Variants in FGGY observed in about 807,000 individuals in gnomAD.
The protein encoded by FGGY is FGGY carbohydrate kinase domain containing, also known as FGGY carbohydrate kinase domain-containing protein.
In FGGY, 72 loss-of-function variants were observed where a neutral mutation model predicts 71.3. The observed-to-expected ratio is 1.01, with a 90% CI of 0.84 to 1.23. The LOEUF is 1.23. FGGY is among the 50% of genes most tolerant of loss of function. FGGY has a pLI of 0.00. For synonymous variants in FGGY, 251 were observed against 250.3 expected, an observed-to-expected ratio of 1.00 and a Z score of -0.02; for missense variants, 668 against 682.3, an observed-to-expected ratio of 0.98 and a Z score of 0.23.
At chr1:59,536,489 A>G (rs2153676257) in intron 7 of FGGY, among the ~76,000 whole-genome samples, 1 of 152,368 alleles carries the variant, frequency 6.6e-6, no homozygotes, top group Admixed American at 6.5e-5. Flanking sequence ...TGAGGCCAGC[A>G]TCATCCTGAT....
rs1261939039 is a variant in FGGY, at chr1:59,716,327, T to TATCAA, written c.1513-41604_1513-41603insATCAA. On this transcript the variant is annotated intron_variant, in intron 14 of 15. Coordinates refer to ENST00000303721, the MANE Select transcript of FGGY (RefSeq NM_018291.5). ...CAGTTTCCTATCAATTCCAGTTACC[T>TATCAA]TTTGCTTTTCTTCTGCAAGATAATT... Among the ~76,000 whole-genome samples, 3 of 152,214 alleles carry TATCAA rather than the reference T, an allele frequency of 2.0e-5. No homozygotes were observed. In the East Asian group the frequency reaches 5.8e-4, roughly 29 times the overall value.
rs187706865 is a variant in FGGY at position 59,589,327 on chromosome 1, C to G, written c.904-18476C>G. ...CTACAAAGAGACTTAGACTCCCACA[C>G]AATAATAATGGGAGACTTTAACACC... is the stretch of plus-strand genomic sequence containing the variant. On this transcript the variant is annotated intron_variant, in intron 8 of 15. Transcript: ENST00000303721. Among the ~76,000 whole-genome samples, 684 of 152,204 alleles carry G rather than the reference C, an allele frequency of 4.5e-3. 5 individuals are homozygous for G. The highest frequency in any genetic ancestry group is 7.3e-3 in the Non-Finnish European group (496 of 68,004).
intron 7 of FGGY, among the ~76,000 whole-genome samples, chr1:59,531,247 G>A (rs1462252311): frequency 2.6e-5 from 4 of 152,166 alleles, no homozygotes; most frequent in Non-Finnish European, 5.9e-5. Flanking sequence ...TAGGTGTGAA[G>A]ATCAAGATTC....
At chr1:59,725,637 G>GTT in intron 14 of FGGY, among the ~76,000 whole-genome samples, 1 of 137,024 alleles carries the variant, frequency 7.3e-6, no homozygotes, top group Admixed American at 7.1e-5. Context: ...TTTGTTTTTT[G>GTT]TTTTTTTTGC....
intron 8 of FGGY, among the ~76,000 whole-genome samples, chr1:59,591,496 A>G (rs1327680093): frequency 6.7e-6 from 1 of 148,786 alleles, no homozygotes; most frequent in Non-Finnish European, 1.5e-5. Context: ...ATCCTAAGCC[A>G]AAAGAACAAA....
chr1:59,680,076 T>C (rs2097481220), intron 14 of FGGY, among the ~76,000 whole-genome samples: 1 of 152,206 alleles, frequency 6.6e-6, no homozygotes, highest in East Asian at 1.9e-4. Flanking sequence ...TTACATTTCT[T>C]GTATATAAGG....
At chr1:59,699,351 T>G in intron 14 of FGGY, 1 of 985,362 alleles carries the variant, frequency 1.0e-6, no homozygotes, top group Non-Finnish European at 1.2e-6. Flanking sequence ...GCCTTTTGCA[T>G]AGTTATTGAA....
At chr1:59,617,487 C>T (rs2096767933) in intron 9 of FGGY, among the ~76,000 whole-genome samples, 1 of 152,084 alleles carries the variant, frequency 6.6e-6, no homozygotes, top group Non-Finnish European at 1.5e-5. Flanking sequence ...TTTACTTCTT[C>T]TTAGAAAACA....
At chr1:59,484,379 T>C (rs1229357184) in intron 6 of FGGY, among the ~76,000 whole-genome samples, 1 of 152,182 alleles carries the variant, frequency 6.6e-6, no homozygotes, top group Non-Finnish European at 1.5e-5. Context: ...TTTTCTATTA[T>C]GGTCCACCTA....
chr1:59,515,165 G>A (rs1360778404), intron 7 of FGGY, among the ~76,000 whole-genome samples: 1 of 152,136 alleles, frequency 6.6e-6, no homozygotes, highest in African/African-American at 2.4e-5. Context: ...TCTTGCATCA[G>A]TGTGACTTGG....
At chr1:59,351,777 C>T (rs2053353029) in intron 4 of FGGY, among the ~76,000 whole-genome samples, 1 of 152,144 alleles carries the variant, frequency 6.6e-6, no homozygotes, top group Non-Finnish European at 1.5e-5. Flanking sequence ...CACTGATTGG[C>T]TGTGAGGAGT....
At chr1:59,529,764 T>C (rs1202682723) in intron 7 of FGGY, among the ~76,000 whole-genome samples, 1 of 152,236 alleles carries the variant, frequency 6.6e-6, no homozygotes, top group African/African-American at 2.4e-5. Context: ...TGGCTTTATA[T>C]ACTTTTATAC....
intron 5 of FGGY, among the ~76,000 whole-genome samples, chr1:59,408,014 C>T (rs978754862): frequency 1.3e-5 from 2 of 152,152 alleles, no homozygotes; most frequent in Non-Finnish European, 2.9e-5. Flanking sequence ...CCCAGGAATA[C>T]GGAATATTTC....
chr1:59,733,378 C>CTGTATTGA (rs1406877444), intron 14 of FGGY: 1 of 153,472 alleles, frequency 6.5e-6, no homozygotes, highest in Non-Finnish European at 1.5e-5. Context: ...GCCTCAGGCT[C>CTGTATTGA]TGTATTGATT....
rs182300571 is a variant in FGGY, at chr1:59,393,884, G to A, written c.554+15047G>A. On this transcript the variant is annotated intron_variant, in intron 5 of 15. Transcript: ENST00000303721. ...CCTCCCAGGCTCAGGACACAATGTC[G>A]TCTATTCTGTCAGAAGTGGGAAGAA... is the stretch of plus-strand genomic sequence containing the variant. 8.5e-5 allele frequency among the ~76,000 whole-genome samples: 13 copies of A among 152,204 alleles called. No individual in the cohort carries two copies. The East Asian group carries it at 1.9e-3, about 23-fold the overall frequency.
rs149984147 is a variant in FGGY at position 59,692,368 on chromosome 1, C to T, written c.1512+18235C>T. On this transcript the variant is annotated intron_variant, in intron 14 of 15. Coordinates refer to ENST00000303721, the MANE Select transcript of FGGY (RefSeq NM_018291.5). ...ATAAAATTCTCAAAATTACTCTGCC[C>T]GTTAGGCTTTCTTATCACTTATTCC... 2.0e-3 allele frequency among the ~76,000 whole-genome samples: 309 copies of T among 152,200 alleles called. 2 individuals carry two copies. The highest frequency in any genetic ancestry group is 6.9e-3 in the African/African-American group (287 of 41,526).
intron 7 of FGGY, among the ~76,000 whole-genome samples, chr1:59,545,188 G>A (rs1356638420): frequency 6.6e-6 from 1 of 152,152 alleles, no homozygotes; most frequent in Non-Finnish European, 1.5e-5. Flanking sequence ...TAGATTTCTA[G>A]CACCCAGCAT....
intron 6 of FGGY, among the ~76,000 whole-genome samples, chr1:59,459,574 G>C (rs1388803956): frequency 2.6e-5 from 4 of 152,180 alleles, no homozygotes; most frequent in Admixed American, 6.5e-5. Context: ...AAAATGATCT[G>C]TGTTCAATGA....
chr1:59,740,303 T>C (rs6587870), intron 14 of FGGY, among the ~76,000 whole-genome samples: 142,794 of 152,282 alleles, frequency 0.94, 67,639 homozygotes, highest in East Asian at 1. Context: ...TTTGCCAATT[T>C]CCATCCCTGT....
Sources: gnomAD v4.1 joint callset for allele counts (sites outside exome capture counted in the v4.1 genomes callset) on GRCh38, gnomAD v4.1.1 for gene constraint, MANE v1.5 for transcripts, NCBI Gene and HGNC (gene_info 2026-07-23, HGNC 2026-07-21) for gene names.